SEMA3E: variants seen among roughly 807,000 people sequenced by gnomAD.
SEMA3E encodes the protein semaphorin 3E.
Under a neutral mutation model 93.6 loss-of-function variants are expected in SEMA3E, and 49 were observed. That is an observed-to-expected ratio of 0.52 (90% CI 0.42 to 0.66). The LOEUF (loss-of-function observed/expected upper bound fraction) is 0.66, where lower values mean the gene tolerates loss of function less well. Ranked by LOEUF, SEMA3E falls within the 30% of genes least tolerant of loss-of-function variation. The pLI is 0.00. For synonymous variants in SEMA3E, 363 were observed against 330.7 expected, an observed-to-expected ratio of 1.10 and a Z score of -1.06; for missense variants, 906 against 964.8, an observed-to-expected ratio of 0.94 and a Z score of 0.81.
chr7:83,467,340 T>G (rs746539552), intron 3 of SEMA3E, among the ~76,000 whole-genome samples: 1 of 152,316 alleles, frequency 6.6e-6, no homozygotes, highest in Non-Finnish European at 1.5e-5. Context: ...ATATGTAGTC[T>G]TTAGGGCAAA....
intron 12 of SEMA3E, 94 bp downstream of exon 12, chr7:83,396,544 T>C (rs1788125629): frequency 2.7e-6 from 2 of 744,910 alleles, no homozygotes; most frequent in African/African-American, 3.5e-5. Context: ...ACATACCTGT[T>C]AGGGAAAAAA....
chr7:83,633,047 G>A (rs537782875), intron 1 of SEMA3E, among the ~76,000 whole-genome samples: 7 of 152,062 alleles, frequency 4.6e-5, no homozygotes, highest in South Asian at 2.1e-4. Flanking sequence ...TTTAATGAAC[G>A]ATTTTGTTGT....
rs147013249 is a variant in SEMA3E, at chr7:83,364,565, A to G, written c.*3021T>C. On this transcript the variant is annotated 3_prime_UTR_variant, in exon 17 of 17. Transcript: ENST00000643230. Reference sequence around the variant, plus strand: ...CAAAAGAAAAAATTAGCAATATAGAATTATAGACGTGGAATCACGAAGTAA... The same window carrying G: ...CAAAAGAAAAAATTAGCAATATAGAGTTATAGACGTGGAATCACGAAGTAA... The G allele has an allele frequency of 6.6e-6, 1 of 152,336 alleles. No individual in the cohort carries two copies. Among genetic ancestry groups the G allele is most frequent in the Non-Finnish European group, 1.5e-5 (1 of 68,036 alleles). 9.4% of individuals were successfully genotyped at this position (152,336 alleles called of 1,614,324 possible).
chr7:83,453,365 C>T (rs1026158814), intron 4 of SEMA3E, among the ~76,000 whole-genome samples: 2 of 150,830 alleles, frequency 1.3e-5, no homozygotes, highest in East Asian at 2.0e-4. Flanking sequence ...TTATCTGTTT[C>T]GCATTTAACT....
At chr7:83,624,947 A>G (rs1383002879) in intron 1 of SEMA3E, among the ~76,000 whole-genome samples, 1 of 152,220 alleles carries the variant, frequency 6.6e-6, no homozygotes, top group Non-Finnish European at 1.5e-5. Context: ...GCATATAGCT[A>G]GCCAGTTTTC....
At chr7:83,531,789 G>A (rs1451658926) in intron 1 of SEMA3E, among the ~76,000 whole-genome samples, 4 of 152,098 alleles carry the variant, frequency 2.6e-5, no homozygotes, top group Non-Finnish European at 5.9e-5. Flanking sequence ...TTTTAAGATA[G>A]CAAAATATTT....
intron 1 of SEMA3E, among the ~76,000 whole-genome samples, chr7:83,613,419 C>T (rs1410826562): frequency 6.6e-6 from 1 of 152,002 alleles, no homozygotes; most frequent in African/African-American, 2.4e-5. Flanking sequence ...CACTGTAAAC[C>T]ACAAAACAAT....
chr7:83,514,721 A>C (rs1310953869), intron 1 of SEMA3E, among the ~76,000 whole-genome samples: 1 of 152,162 alleles, frequency 6.6e-6, no homozygotes, highest in Non-Finnish European at 1.5e-5. Flanking sequence ...CTTATTCTAA[A>C]GGGGAAAAAA....
intron 4 of SEMA3E, among the ~76,000 whole-genome samples, chr7:83,437,391 T>C (rs1445188702): frequency 1.3e-5 from 2 of 152,068 alleles, no homozygotes; most frequent in African/African-American, 4.8e-5. Context: ...GAAATGCCAT[T>C]TATAATAAAA....
chr7:83,449,811 C>A (rs1399913818), intron 4 of SEMA3E, among the ~76,000 whole-genome samples: 1 of 152,062 alleles, frequency 6.6e-6, no homozygotes, highest in Non-Finnish European at 1.5e-5. Flanking sequence ...TTATTTTGGA[C>A]CTTGTTTTAA....
chr7:83,564,451 T>G (rs1792100391), intron 1 of SEMA3E, among the ~76,000 whole-genome samples: 2 of 152,020 alleles, frequency 1.3e-5, no homozygotes, highest in Admixed American at 6.6e-5. Context: ...GAAAACACAT[T>G]CCTTGAATGC....
intron 4 of SEMA3E, among the ~76,000 whole-genome samples, chr7:83,429,592 C>G (rs1788841414): frequency 6.6e-6 from 1 of 152,152 alleles, no homozygotes; most frequent in Admixed American, 6.5e-5. Flanking sequence ...ATGCCAGCCT[C>G]CTTTTCAAAA....
At chr7:83,459,502 T>C (rs746021110) in intron 4 of SEMA3E, among the ~76,000 whole-genome samples, 1 of 152,222 alleles carries the variant, frequency 6.6e-6, no homozygotes, top group East Asian at 1.9e-4. Flanking sequence ...TACACATCTA[T>C]ATATTCTGAC....
intron 3 of SEMA3E, among the ~76,000 whole-genome samples, chr7:83,468,875 A>G (rs570097044): frequency 1.3e-5 from 2 of 152,208 alleles, no homozygotes; most frequent in Non-Finnish European, 2.9e-5. Flanking sequence ...CTAATTTACT[A>G]AACAATGTAA....
At chr7:83,527,015 C>T (rs924672876) in intron 1 of SEMA3E, among the ~76,000 whole-genome samples, 1 of 151,976 alleles carries the variant, frequency 6.6e-6, no homozygotes, top group African/African-American at 2.4e-5. Flanking sequence ...AATATGAGGT[C>T]ATACTGGATT....
chr7:83,485,164 C>CT (rs568282235), intron 2 of SEMA3E, among the ~76,000 whole-genome samples: 1 of 152,166 alleles, frequency 6.6e-6, no homozygotes, highest in Non-Finnish European at 1.5e-5. Context: ...AAATGAAATA[C>CT]TGGAAACCAC....
chr7:83,519,524 T>C (rs1473309597), intron 1 of SEMA3E, among the ~76,000 whole-genome samples: 1 of 152,174 alleles, frequency 6.6e-6, no homozygotes, highest in Non-Finnish European at 1.5e-5. Context: ...ATCATATCTC[T>C]GTGTCTTTTC....
intron 4 of SEMA3E, among the ~76,000 whole-genome samples, chr7:83,424,584 G>A (rs1227338807): frequency 6.6e-6 from 1 of 152,058 alleles, no homozygotes. Context: ...TACCTTAATT[G>A]AATAATTGTT....
At chr7:83,380,096 C>T (rs192043253) in intron 16 of SEMA3E, among the ~76,000 whole-genome samples, 33 of 151,974 alleles carry the variant, frequency 2.2e-4, no homozygotes, top group South Asian at 1.2e-3. Context: ...TTCTCCCAAA[C>T]GTGCTTCTTC....
Sources: gnomAD v4.1 joint callset for allele counts (sites outside exome capture counted in the v4.1 genomes callset) on GRCh38, gnomAD v4.1.1 for gene constraint, MANE v1.5 for transcripts, NCBI Gene and HGNC (gene_info 2026-07-23, HGNC 2026-07-21) for gene names.